Variants in SH3RF1 observed in about 807,000 individuals in gnomAD.
SH3RF1 encodes the protein SH3 domain containing ring finger 1.
Under a neutral mutation model 74.0 loss-of-function variants are expected in SH3RF1, and 32 were observed. The observed-to-expected ratio is 0.43, with a 90% CI of 0.33 to 0.58. SH3RF1 has a LOEUF of 0.58. Ranked by LOEUF, SH3RF1 falls within the 20% of genes least tolerant of loss-of-function variation. The pLI, the probability that SH3RF1 is intolerant of heterozygous loss-of-function variation, is 0.05. For synonymous variants in SH3RF1, 396 were observed against 439.6 expected, an observed-to-expected ratio of 0.90 and a Z score of 1.24; for missense variants, 954 against 1,130.9, an observed-to-expected ratio of 0.84 and a Z score of 2.24.
chr4:169,154,852 C>T (rs781485802), intron 4 of SH3RF1, among the ~76,000 whole-genome samples: 3 of 152,082 alleles, frequency 2.0e-5, no homozygotes, highest in Non-Finnish European at 2.9e-5. Flanking sequence ...AATTGTAACT[C>T]CTTTATGTTC....
intron 5 of SH3RF1, among the ~76,000 whole-genome samples, chr4:169,132,723 A>G (rs953145317): frequency 2.0e-5 from 3 of 152,040 alleles, no homozygotes; most frequent in African/African-American, 7.2e-5. Context: ...GTGGGGGTTT[A>G]TTGCTTTCCC....
chr4:169,181,094 G>A (rs776473567), intron 2 of SH3RF1, among the ~76,000 whole-genome samples: 37 of 152,008 alleles, frequency 2.4e-4, no homozygotes, highest in Non-Finnish European at 4.9e-4. Flanking sequence ...AAATTCGAAT[G>A]TTCTTAGACA....
intron 8 of SH3RF1, among the ~76,000 whole-genome samples, chr4:169,119,704 A>G (rs923395112): frequency 1.3e-5 from 2 of 152,220 alleles, no homozygotes; most frequent in Non-Finnish European, 2.9e-5. Context: ...CACCATCTGC[A>G]ACAACAGTGA....
chr4:169,233,408 A>C (rs1730776252), intron 2 of SH3RF1, among the ~76,000 whole-genome samples: 1 of 152,174 alleles, frequency 6.6e-6, no homozygotes. Flanking sequence ...AGAATAAAAT[A>C]ATTTAAAACT....
chr4:169,168,547 T>C (rs1437759883), intron 2 of SH3RF1, among the ~76,000 whole-genome samples: 4 of 152,200 alleles, frequency 2.6e-5, no homozygotes, highest in African/African-American at 9.7e-5. Flanking sequence ...TGAAAAGGTC[T>C]TACACAAAGA....
chr4:169,111,624 C>T (rs1733247899), intron 10 of SH3RF1, among the ~76,000 whole-genome samples: 1 of 151,820 alleles, frequency 6.6e-6, no homozygotes, highest in Admixed American at 6.6e-5. Flanking sequence ...TAAGTATCTC[C>T]CAAAGATTTG....
intron 6 of SH3RF1, among the ~76,000 whole-genome samples, chr4:169,124,177 C>T (rs537406989): frequency 2.0e-5 from 3 of 152,272 alleles, no homozygotes; most frequent in Admixed American, 6.5e-5. Context: ...TTAAATCTTT[C>T]TAAGCTCAAT....
intron 9 of SH3RF1, among the ~76,000 whole-genome samples, chr4:169,117,069 T>C (rs895856241): frequency 2.0e-5 from 3 of 152,162 alleles, no homozygotes; most frequent in Admixed American, 6.5e-5. Context: ...CCTCATCCCA[T>C]TAGTTACCCA....
At position 169,146,075 on chromosome 4, in the gene SH3RF1, A is replaced by G. The variant is rs1177870595; in HGVS notation, c.765+9405T>C. ...AAATATTATATATTCTATATAAAAT[A>G]TTATATATTCTATATATTCTATATA... is the stretch of plus-strand genomic sequence containing the variant. On this transcript the variant is annotated intron_variant, in intron 4 of 11. Transcript: ENST00000284637. Among the ~76,000 whole-genome samples, 24 of 103,852 alleles carry G rather than the reference A, an allele frequency of 2.3e-4. 5 individuals carry two copies. Among genetic ancestry groups the G allele is most frequent in the Non-Finnish European group, 3.9e-4 (20 of 51,314 alleles). The allele number at this position is 103,852 out of a possible 152,430, so 68.1% of individuals were successfully genotyped here.
At chr4:169,141,825 T>C (rs374843599) in intron 4 of SH3RF1, among the ~76,000 whole-genome samples, 3 of 150,062 alleles carry the variant, frequency 2.0e-5, no homozygotes, top group East Asian at 3.9e-4. Context: ...TTTTTTTTTT[T>C]TTTTTGAGAT....
At chr4:169,136,757 C>T in intron 4 of SH3RF1, 137 bp from the exon 5 acceptor site, 1 of 729,134 alleles carries the variant, frequency 1.4e-6, no homozygotes, top group Non-Finnish European at 2.0e-6. Context: ...TCTGTTTTTC[C>T]CATGTGAGAT....
chr4:169,216,666 C>T (rs1579143562), intron 2 of SH3RF1, among the ~76,000 whole-genome samples: 1 of 152,064 alleles, frequency 6.6e-6, no homozygotes, highest in African/African-American at 2.4e-5. Flanking sequence ...TGAAGTGAGA[C>T]CCCCATCTCA....
chr4:169,172,645 G>A (rs1287571008), intron 2 of SH3RF1, among the ~76,000 whole-genome samples: 1 of 152,168 alleles, frequency 6.6e-6, no homozygotes, highest in Non-Finnish European at 1.5e-5. Context: ...CACATTAGGT[G>A]TCAACTTGAT....
intron 2 of SH3RF1, among the ~76,000 whole-genome samples, chr4:169,264,377 C>G (rs1397020612): frequency 2.0e-5 from 3 of 152,102 alleles, no homozygotes; most frequent in Non-Finnish European, 4.4e-5. Context: ...TACCTTAACC[C>G]CCTCTTTAAA....
rs772512348 is a variant in SH3RF1 at position 169,155,585 on chromosome 4, C to T, written c.670-10G>A. ...CAGTCAGAACATCATCCTGAAGAAA[C>T]AGCAAATCATTAATCTACCTGATCA... On this transcript the variant is annotated splice_polypyrimidine_tract_variant and intron_variant, in intron 3 of 11. Transcript: ENST00000284637. The T allele has an allele frequency of 6.3e-7, 1 of 1,595,308 alleles. No individual in the cohort carries two copies.
In SH3RF1 at chr4:169,270,851, C is replaced by G. The variant is rs1278797118; in HGVS notation, c.-96+8G>C. On this transcript the variant is annotated splice_region_variant and intron_variant, in intron 1 of 11. Coordinates refer to ENST00000284637, the MANE Select transcript of SH3RF1 (RefSeq NM_020870.4). ...CCCCGTCGACCCCGCGCCGGCCGCG[C>G]GCCCTACCTCGCGCCTCGGCTCCTC... The G allele has an allele frequency of 6.6e-6, 1 of 152,140 alleles. No individual in the cohort carries two copies. Among genetic ancestry groups the G allele is most frequent in the Non-Finnish European group, 1.5e-5 (1 of 68,014 alleles). 9.4% of individuals were successfully genotyped at this position (152,140 alleles called of 1,614,324 possible).
chr4:169,167,162 A>C (rs1489065886), intron 2 of SH3RF1: 1 of 155,446 alleles, frequency 6.4e-6, no homozygotes, highest in Non-Finnish European at 1.4e-5. Context: ...TTAAAAAATA[A>C]AAACAAGCAA....
At chr4:169,171,106 C>G (rs75168430) in intron 2 of SH3RF1, among the ~76,000 whole-genome samples, 1 of 152,218 alleles carries the variant, frequency 6.6e-6, no homozygotes, top group African/African-American at 2.4e-5. Flanking sequence ...AAACTGTAAC[C>G]TACTCTTGCA....
intron 2 of SH3RF1, among the ~76,000 whole-genome samples, chr4:169,174,319 T>TCC (rs1734382267): frequency 6.6e-6 from 1 of 152,170 alleles, no homozygotes; most frequent in Non-Finnish European, 1.5e-5. Flanking sequence ...CGCCTCAGCC[T>TCC]CCCAAAGTGC....
Sources: allele counts gnomAD v4.1 joint callset (sites outside exome capture counted in the v4.1 genomes callset), GRCh38; gene constraint gnomAD v4.1.1; transcripts MANE v1.5; gene names NCBI Gene and HGNC (gene_info 2026-07-23, HGNC 2026-07-21).